FAM228B: variants seen among roughly 807,000 people sequenced by gnomAD.
FAM228B encodes the protein family with sequence similarity 228 member B, also known as protein FAM228B.
FAM228B carries 38 observed loss-of-function variants against 42.6 expected under a neutral mutation model. That is an observed-to-expected ratio of 0.89 (90% CI 0.69 to 1.17). The LOEUF (loss-of-function observed/expected upper bound fraction) is 1.17. Among genes scored for constraint, FAM228B ranks in the 50% most tolerant of loss-of-function variants. The probability of loss-of-function intolerance (pLI) is 0.00; values close to 1 mark genes in which losing one functional copy is unlikely to be tolerated. For synonymous variants in FAM228B, 109 were observed against 122.3 expected (o/e 0.89, Z 0.72); for missense variants, 344 against 367.3 (o/e 0.94, Z 0.52).
rs1477422314 is a variant in FAM228B at position 24,164,219 on chromosome 2, A to G, written c.816A>G (p.Leu272=). The G allele has an allele frequency of 1.9e-6, 3 of 1,550,614 alleles. No individual in the cohort carries two copies. The highest frequency in any genetic ancestry group is 2.6e-6 in the Non-Finnish European group (3 of 1,146,312). Residue 272 remains leucine (L), a synonymous_variant, in exon 9 of 11, where the codon CTA becomes CTG. Transcript: ENST00000615575. The part of the protein sequence containing the change: ...VIYKNKGSSF[L]EREPLCYQEG... ...GCAGAAACAAAGGGTCATCCTTTCTAGAAAGAGAACCGCTGTGCTATCAGG... is the reference window on the plus strand; with the variant it reads ...GCAGAAACAAAGGGTCATCCTTTCTGGAAAGAGAACCGCTGTGCTATCAGG...
chr2:24,154,397 CA>C (rs1263279731), intron 7 of FAM228B, among the ~76,000 whole-genome samples: 4 of 152,150 alleles, frequency 2.6e-5, no homozygotes, highest in African/African-American at 9.7e-5. Context: ...ATCATTTGAT[CA>C]TTTTTAAAAT....
At chr2:24,125,857 C>T (rs760684797) in intron 2 of FAM228B, among the ~76,000 whole-genome samples, 2 of 152,174 alleles carry the variant, frequency 1.3e-5, no homozygotes, top group Non-Finnish European at 2.9e-5. Context: ...GCCACTGCGC[C>T]CAGCCTGCTT....
At chr2:24,159,990 T>C (rs1667250510) in intron 7 of FAM228B, among the ~76,000 whole-genome samples, 1 of 132,318 alleles carries the variant, frequency 7.6e-6, no homozygotes, top group South Asian at 2.7e-4. Context: ...TTTCTTTTCA[T>C]TTTTTTTTTT....
chr2:24,088,588 AGATCCACCTGCTTC>A (rs1216025436), intron 2 of FAM228B, among the ~76,000 whole-genome samples: 11 of 151,632 alleles, frequency 7.3e-5, no homozygotes, highest in Admixed American at 7.2e-4. Flanking sequence ...TGGGCTCAAG[AGATCCACCTGCTTC>A]GGCCTCCCAA....
intron 2 of FAM228B, among the ~76,000 whole-genome samples, chr2:24,086,701 A>C (rs1448783976): frequency 1.3e-5 from 2 of 152,216 alleles, no homozygotes; most frequent in Admixed American, 1.3e-4. Context: ...AGAAGAGAGT[A>C]GACTAGCGTC....
chr2:24,139,142 T>C (rs970985726), intron 4 of FAM228B, among the ~76,000 whole-genome samples: 8 of 152,230 alleles, frequency 5.3e-5, no homozygotes, highest in Non-Finnish European at 1.2e-4. Flanking sequence ...TGTTCCAACA[T>C]TCTTTATTAA....
rs1667287573 is a variant in FAM228B, at chr2:24,161,614, G to A, written c.794+1G>A. On this transcript the variant is annotated splice_donor_variant, in intron 8 of 10. Transcript: ENST00000615575. LOFTEE classifies it high-confidence loss of function. Reference sequence around the variant, plus strand: ...AAGAAGAAAAAACAGTTATTTACAAGTAAGTCTGTTCTTCCATAGCTTTGC... The same window carrying A: ...AAGAAGAAAAAACAGTTATTTACAAATAAGTCTGTTCTTCCATAGCTTTGC... 6.7e-7 allele frequency: 1 copy of A among 1,492,030 alleles called. No homozygotes were observed. The allele number at this position is 1,492,030 out of a possible 1,614,324, so 92.4% of individuals were successfully genotyped here. A position where few individuals can be genotyped will look rare whatever the true frequency, so the allele number is the denominator to read the frequency against.
intron 3 of FAM228B, among the ~76,000 whole-genome samples, chr2:24,100,017 G>T (rs1306820856): frequency 3.3e-5 from 5 of 152,196 alleles, no homozygotes; most frequent in African/African-American, 1.2e-4. Context: ...AAGCAATGGG[G>T]AAAGGATTCC....
chr2:24,148,478 G>A (rs1006722524), intron 7 of FAM228B, among the ~76,000 whole-genome samples: 8 of 152,146 alleles, frequency 5.3e-5, no homozygotes, highest in Non-Finnish European at 1.0e-4. Flanking sequence ...CCTTGTATCT[G>A]TGGTTGTTCT....
rs575306705 is a variant in FAM228B, at chr2:24,100,087, T to C, written c.-121+4858T>C. Among the ~76,000 whole-genome samples, 966 of 148,474 alleles carry C rather than the reference T, an allele frequency of 6.5e-3. 6 individuals carry two copies. The highest frequency in any genetic ancestry group is 0.01 in the Non-Finnish European group (692 of 66,340). On this transcript the variant is annotated intron_variant, in intron 3 of 10. Coordinates refer to the FAM228B transcript ENST00000613899. ...CCATATGTAGAAAGCTGAGACTGGA[T>C]CCCTTCCTTACACCTTATAAAAAAT...
chr2:24,107,344 C>A (rs1180469543), intron 3 of FAM228B, among the ~76,000 whole-genome samples: 7 of 152,076 alleles, frequency 4.6e-5, no homozygotes, highest in Admixed American at 4.6e-4. Context: ...ACTTCAACAC[C>A]CCACTGACAG....
At chr2:24,120,630 A>G (rs1666082015), upstream of FAM228B, among the ~76,000 whole-genome samples, 1 of 152,068 alleles carries the variant, frequency 6.6e-6, no homozygotes, top group Non-Finnish European at 1.5e-5. Context: ...ATCTCGGCTC[A>G]CTGCAACCTC....
At chr2:24,163,167 C>G (rs570974240) in intron 8 of FAM228B, among the ~76,000 whole-genome samples, 1 of 152,230 alleles carries the variant, frequency 6.6e-6, no homozygotes, top group East Asian at 1.9e-4. Context: ...GATCGGCTTA[C>G]AATTCTCTGT....
chr2:24,119,401 C>T (rs552753030), upstream of FAM228B, among the ~76,000 whole-genome samples: 1 of 152,306 alleles, frequency 6.6e-6, no homozygotes, highest in East Asian at 1.9e-4. Context: ...CTGAATCTAC[C>T]TTCCCCATGG....
chr2:24,126,111 A>G (rs1256351929), intron 2 of FAM228B, among the ~76,000 whole-genome samples: 1 of 152,212 alleles, frequency 6.6e-6, no homozygotes, highest in African/African-American at 2.4e-5. Flanking sequence ...GGCTATTACA[A>G]ATAAAGCTGT....
upstream of FAM228B, chr2:24,119,558 A>C (rs763041499): frequency 2.9e-5 from 46 of 1,589,274 alleles, no homozygotes; most frequent in Admixed American, 1.0e-4. Flanking sequence ...TGAAGACAGG[A>C]ACTAGGAGGC....
Position 24,148,178 on chromosome 2 carries a change from G to A in FAM228B, c.686+1092G>A, listed in dbSNP as rs142565733. 3.0e-3 allele frequency among the ~76,000 whole-genome samples: 449 copies of A among 152,152 alleles called. 1 individual carries two copies. Among genetic ancestry groups the A allele is most frequent in the Middle Eastern group, 6.8e-3 (2 of 292 alleles). On this transcript the variant is annotated intron_variant, in intron 7 of 10. Transcript: ENST00000615575. ...TTTTCCTTGTGCTTAGAGTGCGGGT[G>A]GGGTGCCAGAGGGATTTTCTCAAGT...
chr2:24,154,989 G>C, intron 7 of FAM228B, among the ~76,000 whole-genome samples: 1 of 152,112 alleles, frequency 6.6e-6, no homozygotes, highest in East Asian at 1.9e-4. Context: ...CGAAACAATG[G>C]CTGTTACTTT....
rs559654734 is a variant in FAM228B, at chr2:24,127,740, C to G, written c.99+3280C>G. On this transcript the variant is annotated intron_variant, in intron 2 of 10. Transcript: ENST00000615575. ...TGCAGTGGCATGATCTCAGCTTACT[C>G]CAACCTCCGCCTCCCGGGTTCAAGC... 3.7e-4 allele frequency among the ~76,000 whole-genome samples: 56 copies of G among 151,948 alleles called. No individual in the cohort carries two copies. In the South Asian group the frequency reaches 0.011, roughly 30 times the overall value.
Sources: gnomAD v4.1 joint callset for allele counts (sites outside exome capture counted in the v4.1 genomes callset) on GRCh38, gnomAD v4.1.1 for gene constraint, MANE v1.5 for transcripts, NCBI Gene and HGNC (gene_info 2026-07-23, HGNC 2026-07-21) for gene names.